Variants in IRF2 observed in about 807,000 individuals in gnomAD.
The protein encoded by IRF2 is interferon regulatory factor 2.
IRF2 carries 15 observed loss-of-function variants against 40.6 expected under a neutral mutation model. The ratio of observed to expected loss-of-function variants is 0.37; its 90% CI spans 0.25 to 0.57. The LOEUF (loss-of-function observed/expected upper bound fraction) is 0.57, where lower values mean the gene tolerates loss of function less well. IRF2 is among the 20% of genes least tolerant of loss of function. The probability of loss-of-function intolerance (pLI) is 0.77; values close to 1 mark genes in which losing one functional copy is unlikely to be tolerated. For missense variants in IRF2, 317 were observed against 455.7 expected (o/e 0.70, Z 2.77); for synonymous variants, 151 against 165.5 (o/e 0.91, Z 0.67).
intron 6 of IRF2, among the ~76,000 whole-genome samples, chr4:184,404,240 A>T (rs1736770368): frequency 6.6e-6 from 1 of 152,212 alleles, no homozygotes. Context: ...ACTAGCAGGC[A>T]TAAAAAATCA....
At chr4:184,424,485 T>G (rs984960548) in intron 2 of IRF2, among the ~76,000 whole-genome samples, 21 of 151,740 alleles carry the variant, frequency 1.4e-4, no homozygotes, top group Middle Eastern at 3.4e-3. Context: ...CAGGGATTAA[T>G]GGATTAATGA....
intron 1 of IRF2, among the ~76,000 whole-genome samples, chr4:184,473,056 G>A (rs1028722932): frequency 2.6e-5 from 4 of 152,112 alleles, no homozygotes; most frequent in Non-Finnish European, 5.9e-5. Context: ...CCCCCAGGCC[G>A]TGCCACTGGG....
At chr4:184,452,770 C>CAAAAAAAAAAAAA (rs530415114) in intron 1 of IRF2, among the ~76,000 whole-genome samples, 65 of 53,816 alleles carry the variant, frequency 1.2e-3, no homozygotes, top group South Asian at 3.2e-3. Context: ...GACCCTGTCT[C>CAAAAAAAAAAAAA]AAAAAAAAAA....
At chr4:184,397,437 A>G (rs1268257147) in intron 7 of IRF2, among the ~76,000 whole-genome samples, 1 of 152,194 alleles carries the variant, frequency 6.6e-6, no homozygotes, top group Non-Finnish European at 1.5e-5. Context: ...GGCTGCGACA[A>G]CATTAATGCA....
At chr4:184,411,139 C>T (rs1450111277) in intron 5 of IRF2, among the ~76,000 whole-genome samples, 1 of 151,654 alleles carries the variant, frequency 6.6e-6, no homozygotes, top group African/African-American at 2.4e-5. Context: ...CTCACTGCAA[C>T]CTCCACCTCC....
intron 1 of IRF2, among the ~76,000 whole-genome samples, chr4:184,453,688 C>G (rs1022208133): frequency 6.6e-6 from 1 of 152,186 alleles, no homozygotes; most frequent in Non-Finnish European, 1.5e-5. Flanking sequence ...TAAGAGGAGG[C>G]ACGTGGGAAA....
chr4:184,416,602 C>T (rs1401030682), intron 5 of IRF2, among the ~76,000 whole-genome samples: 1 of 152,082 alleles, frequency 6.6e-6, no homozygotes, highest in African/African-American at 2.4e-5. Flanking sequence ...TTACTGTGAA[C>T]TTTTTCAGGT....
intron 1 of IRF2, among the ~76,000 whole-genome samples, chr4:184,431,703 C>A (rs1475918728): frequency 6.6e-6 from 1 of 152,178 alleles, no homozygotes; most frequent in African/African-American, 2.4e-5. Flanking sequence ...TCCTGACAGC[C>A]TGACGTGCAG....
chr4:184,403,733 T>C (rs980318819), intron 6 of IRF2, among the ~76,000 whole-genome samples: 18 of 152,372 alleles, frequency 1.2e-4, no homozygotes, highest in South Asian at 1.0e-3. Flanking sequence ...TCTTAGCCCC[T>C]CTCAGGATAA....
chr4:184,468,295 C>T (rs746522222), intron 1 of IRF2, among the ~76,000 whole-genome samples: 33 of 151,782 alleles, frequency 2.2e-4, no homozygotes, highest in African/African-American at 6.1e-4. Context: ...CGAGACCAGC[C>T]GGCCAACATG....
At chr4:184,392,998 C>T (rs1047861380) in intron 7 of IRF2, among the ~76,000 whole-genome samples, 1 of 152,002 alleles carries the variant, frequency 6.6e-6, no homozygotes, top group South Asian at 2.1e-4. Flanking sequence ...CTGACGTTGC[C>T]GAGCACAAGA....
chr4:184,434,736 G>A (rs899892128), intron 1 of IRF2, among the ~76,000 whole-genome samples: 1 of 151,984 alleles, frequency 6.6e-6, no homozygotes, highest in Non-Finnish European at 1.5e-5. Context: ...CGTAAGTCAC[G>A]AATGATCCCC....
chr4:184,466,232 G>A (rs1333974253), intron 1 of IRF2, among the ~76,000 whole-genome samples: 7 of 151,994 alleles, frequency 4.6e-5, no homozygotes, highest in Non-Finnish European at 1.5e-5. Flanking sequence ...TGTATTTTTA[G>A]TAGAGACGGG....
At chr4:184,407,791 C>T (rs1160550548) in intron 6 of IRF2, among the ~76,000 whole-genome samples, 1 of 152,214 alleles carries the variant, frequency 6.6e-6, no homozygotes, top group African/African-American at 2.4e-5. Flanking sequence ...GAAGCAGTTG[C>T]TGAGAGGACT....
At chr4:184,440,763 G>T (rs111231902) in intron 1 of IRF2, among the ~76,000 whole-genome samples, 1,772 of 152,230 alleles carry the variant, frequency 0.012, 42 homozygotes, top group African/African-American at 0.04. Flanking sequence ...TGTCTACCTC[G>T]CCTCCCTCTT....
rs541480572 is a variant in IRF2 at position 184,394,629 on chromosome 4, C to T, written c.695-3880G>A. ...TTACTGATGGCTGCTGGTCAGCAGG[C>T]GATCTCCACTCTCTCATTATAGCCA... On this transcript the variant is annotated intron_variant, in intron 7 of 8. Transcript: ENST00000393593. Among the ~76,000 whole-genome samples the T allele has an allele frequency of 1.7e-4, 26 of 152,052 alleles. No homozygotes were observed. In the East Asian group the frequency reaches 3.5e-3, roughly 20 times the overall value.
intron 1 of IRF2, among the ~76,000 whole-genome samples, chr4:184,456,191 T>G (rs976724704): frequency 1.3e-5 from 2 of 152,170 alleles, no homozygotes; most frequent in African/African-American, 4.8e-5. Context: ...TTCATTCGCC[T>G]CACAAAAATG....
At chr4:184,453,576 T>C (rs1738806259) in intron 1 of IRF2, among the ~76,000 whole-genome samples, 1 of 152,220 alleles carries the variant, frequency 6.6e-6, no homozygotes, top group South Asian at 2.1e-4. Flanking sequence ...CAGTAGGAAG[T>C]TCCTTTAAGA....
intron 1 of IRF2, among the ~76,000 whole-genome samples, chr4:184,463,674 G>T (rs551250977): frequency 6.6e-6 from 1 of 151,688 alleles, no homozygotes; most frequent in South Asian, 2.1e-4. Context: ...TTTTTGATGG[G>T]CTGTGGTACG....
Sources: gnomAD v4.1 joint callset for allele counts (sites outside exome capture counted in the v4.1 genomes callset) on GRCh38, gnomAD v4.1.1 for gene constraint, MANE v1.5 for transcripts, NCBI Gene and HGNC (gene_info 2026-07-23, HGNC 2026-07-21) for gene names.